The following PLXNA4 variants were observed in gnomAD, a reference collection of about 807,000 sequenced individuals.
PLXNA4 encodes plexin-A4.
PLXNA4 carries 44 observed loss-of-function variants against 191.8 expected under a neutral mutation model. The observed-to-expected ratio is 0.23, with a 90% CI of 0.18 to 0.29. PLXNA4 has a LOEUF of 0.29. Ranked by LOEUF, PLXNA4 falls within the 10% of genes least tolerant of loss-of-function variation. The pLI, the probability that PLXNA4 is intolerant of heterozygous loss-of-function variation, is 1.00. For missense variants in PLXNA4, 1,800 were observed against 2,488.8 expected (o/e 0.72, Z 5.89); for synonymous variants, 1,082 against 1,009.5 (o/e 1.07, Z -1.36).
chr7:132,235,876 A>T (rs890106914), intron 5 of PLXNA4, among the ~76,000 whole-genome samples: 1 of 152,190 alleles, frequency 6.6e-6, no homozygotes, highest in Non-Finnish European at 1.5e-5. Context: ...GTGGGCTTGT[A>T]CGCTTTCCTT....
At chr7:132,130,627 G>A (rs1229309183) in intron 31 of PLXNA4, 53 bp from the exon 32 acceptor site, 4 of 1,612,126 alleles carry the variant, frequency 2.5e-6, no homozygotes, top group Non-Finnish European at 3.4e-6. Flanking sequence ...ACAGGTCTGT[G>A]TTCTCAGGAG....
chr7:132,426,763 G>GA (rs920116806), intron 3 of PLXNA4, among the ~76,000 whole-genome samples: 28 of 150,692 alleles, frequency 1.9e-4, no homozygotes, highest in African/African-American at 3.9e-4. Flanking sequence ...GAGGGCAAAA[G>GA]AAAAAAAAAT....
At chr7:132,288,760 A>G (rs1584948718) in intron 4 of PLXNA4, among the ~76,000 whole-genome samples, 1 of 152,290 alleles carries the variant, frequency 6.6e-6, no homozygotes, top group East Asian at 1.9e-4. Flanking sequence ...ATGCCCACAG[A>G]CACAGTGCTG....
chr7:132,266,355 C>T (rs1234708455), intron 4 of PLXNA4: 2 of 152,190 alleles, frequency 1.3e-5, no homozygotes, highest in African/African-American at 2.4e-5. Flanking sequence ...TTTGATTAAA[C>T]ATCGTGCTAG....
chr7:132,487,788 T>A (rs145963149), intron 3 of PLXNA4, among the ~76,000 whole-genome samples: 10 of 152,308 alleles, frequency 6.6e-5, no homozygotes, highest in African/African-American at 2.4e-4. Context: ...TGCCCATGTC[T>A]CACAGCGTCT....
chr7:132,489,248 A>T, intron 3 of PLXNA4, 44 bp downstream of exon 3: 1 of 1,539,176 alleles, frequency 6.5e-7, no homozygotes, highest in Middle Eastern at 1.7e-4. Context: ...CAGGAGGGAC[A>T]GACTGTCTTC....
intron 3 of PLXNA4, among the ~76,000 whole-genome samples, chr7:132,433,189 G>T (rs911724847): frequency 6.6e-6 from 1 of 152,118 alleles, no homozygotes; most frequent in Non-Finnish European, 1.5e-5. Context: ...AACTTGGGGG[G>T]AAAAATCAAT....
chr7:132,183,270 C>T (rs1796771102), intron 16 of PLXNA4, among the ~76,000 whole-genome samples: 1 of 152,206 alleles, frequency 6.6e-6, no homozygotes, highest in African/African-American at 2.4e-5. Context: ...GAGGCTCTTG[C>T]ACATGTGACA....
At chr7:132,513,428 A>C (rs923226531) in intron 1 of PLXNA4, among the ~76,000 whole-genome samples, 1 of 152,216 alleles carries the variant, frequency 6.6e-6, no homozygotes, top group Non-Finnish European at 1.5e-5. Flanking sequence ...GAACAGGTAC[A>C]GCTCTTGGCT....
intron 4 of PLXNA4, among the ~76,000 whole-genome samples, chr7:132,273,665 G>A (rs957426713): frequency 1.3e-5 from 2 of 152,104 alleles, no homozygotes; most frequent in African/African-American, 4.8e-5. Flanking sequence ...CCCTACTTGA[G>A]TTTCCTCTCC....
At chr7:132,202,556 C>T (rs79959239) in intron 12 of PLXNA4, 90 bp downstream of exon 12, 28,421 of 1,323,308 alleles carry the variant, frequency 0.021, 1,306 homozygotes, top group Admixed American at 0.17. Flanking sequence ...ACTGGGTGAC[C>T]GACACCACGG....
chr7:132,459,704 G>C (rs1796431599), intron 3 of PLXNA4, among the ~76,000 whole-genome samples: 1 of 152,172 alleles, frequency 6.6e-6, no homozygotes, highest in African/African-American at 2.4e-5. Flanking sequence ...AAATCTGTTG[G>C]TGGTGGGGAT....
intron 13 of PLXNA4, 62 bp from the exon 14 acceptor site, chr7:132,194,241 C>T (rs1797181843): frequency 1.3e-6 from 2 of 1,549,630 alleles, no homozygotes; most frequent in South Asian, 2.5e-5. Context: ...CCCTGCACCC[C>T]ACAGCACCTA....
At chr7:132,576,543 T>TCCAGCC (rs1024579704), upstream of PLXNA4, 10 of 985,938 alleles carry the variant, frequency 1.0e-5, no homozygotes, top group East Asian at 3.4e-4. The surrounding 1 kb of genome is among the most constrained non-coding windows in gnomAD (Gnocchi z 5.8). Flanking sequence ...GGCTGCCTCC[T>TCCAGCC]CCAGCCCCAG....
chr7:132,506,551 C>A (rs892093828), intron 2 of PLXNA4, among the ~76,000 whole-genome samples: 1 of 152,156 alleles, frequency 6.6e-6, no homozygotes, highest in Non-Finnish European at 1.5e-5. Context: ...GATAGCTGAG[C>A]CTTCCAAGTC....
chr7:132,202,422 C>T (rs1164044203), intron 12 of PLXNA4, among the ~76,000 whole-genome samples: 1 of 152,170 alleles, frequency 6.6e-6, no homozygotes, highest in Non-Finnish European at 1.5e-5. Context: ...CAGTTGGGCC[C>T]CTCATTGAGG....
At chr7:132,610,382 G>C (rs184502514) in intron 2 of PLXNA4, among the ~76,000 whole-genome samples, 2 of 152,310 alleles carry the variant, frequency 1.3e-5, no homozygotes, top group Non-Finnish European at 2.9e-5. Flanking sequence ...CTCTGCTATT[G>C]CTGCTGCTGC....
intron 3 of PLXNA4, among the ~76,000 whole-genome samples, chr7:132,347,813 T>C (rs187780984): frequency 6.6e-6 from 1 of 152,202 alleles, no homozygotes; most frequent in African/African-American, 2.4e-5. Flanking sequence ...TTCCACTGGC[T>C]TCACTTTCTC....
chr7:132,131,914 G>T (rs1159410570), intron 31 of PLXNA4, among the ~76,000 whole-genome samples: 2 of 152,216 alleles, frequency 1.3e-5, no homozygotes, highest in Non-Finnish European at 2.9e-5. Context: ...CAGGACTCCA[G>T]GCCTTGGGCC....
Sources: gnomAD v4.1 joint callset for allele counts (sites outside exome capture counted in the v4.1 genomes callset) on GRCh38, gnomAD v4.1.1 for gene constraint, Gnocchi (gnomAD v3.1) non-coding constraint, MANE v1.5 for transcripts, NCBI Gene and HGNC (gene_info 2026-07-23, HGNC 2026-07-21) for gene names.